JAKMIP2: variants seen among roughly 807,000 people sequenced by gnomAD.
The protein encoded by JAKMIP2 is janus kinase and microtubule-interacting protein 2.
A neutral mutation model predicts 115.0 loss-of-function variants in JAKMIP2; 25 were observed. The observed-to-expected ratio is 0.22, with a 90% CI of 0.16 to 0.30. The LOEUF (loss-of-function observed/expected upper bound fraction) is 0.30. JAKMIP2 is among the 10% of genes least tolerant of loss of function. The pLI is 1.00. For missense variants in JAKMIP2, 642 were observed against 957.6 expected, an observed-to-expected ratio of 0.67 and a Z score of 4.35; for synonymous variants, 334 against 343.6, an observed-to-expected ratio of 0.97 and a Z score of 0.31.
chr5:147,734,419 A>G (rs192899732), intron 1 of JAKMIP2, among the ~76,000 whole-genome samples: 4,232 of 148,518 alleles, frequency 0.028, 88 homozygotes, highest in Non-Finnish European at 0.043. Context: ...ACCAAACACC[A>G]CATGTTCTCA....
At chr5:147,659,880 T>G (rs1758872452) in intron 3 of JAKMIP2, among the ~76,000 whole-genome samples, 1 of 152,104 alleles carries the variant, frequency 6.6e-6, no homozygotes, top group African/African-American at 2.4e-5. Flanking sequence ...AAAATAAACA[T>G]TAACTTTTAA....
At chr5:147,782,084 A>T (rs531480318) in intron 1 of JAKMIP2, among the ~76,000 whole-genome samples, 13 of 152,320 alleles carry the variant, frequency 8.5e-5, no homozygotes, top group South Asian at 8.3e-4. Context: ...AGAAGGCCCA[A>T]CCCTGTATGT....
chr5:147,721,571 G>C (rs907770386), intron 1 of JAKMIP2, among the ~76,000 whole-genome samples: 10 of 152,088 alleles, frequency 6.6e-5, no homozygotes, highest in African/African-American at 2.2e-4. Context: ...TTTTAAGCCC[G>C]TCGGAAAAGC....
Position 147,702,583 on chromosome 5 carries a change from AGAAAGAAAGAAAGAAAGAAG to A in JAKMIP2, c.-148-30649_-148-30630del, listed in dbSNP as rs1561547257. Among the ~76,000 whole-genome samples, 14 of 120,178 alleles carry A rather than the reference AGAAAGAAAGAAAGAAAGAAG, an allele frequency of 1.2e-4. No homozygotes were observed. In the East Asian group the frequency reaches 1.6e-3, roughly 14 times the overall value. 78.8% of individuals were successfully genotyped at this position (120,178 alleles called of 152,430 possible). On this transcript the variant is annotated intron_variant, in intron 1 of 21. Coordinates refer to ENST00000616793, the MANE Select transcript of JAKMIP2 (RefSeq NM_001270941.2). ...AAGAAAGAAAGAAAGAAAGAAGGAA[AGAAAGAAAGAAAGAAAGAAG>A]GAAAGAAAGAAAGAAAGAAAGAAAG... is the stretch of plus-strand genomic sequence containing the variant.
chr5:147,654,226 G>GT (rs148458804), intron 3 of JAKMIP2, among the ~76,000 whole-genome samples: 38,112 of 147,512 alleles, frequency 0.26, 5,955 homozygotes, highest in East Asian at 0.46. Flanking sequence ...ATTTAAAGTA[G>GT]TTTTTTTTTT....
chr5:147,639,863 G>A, intron 9 of JAKMIP2, 103 bp from the exon 10 acceptor site: 2 of 1,368,232 alleles, frequency 1.5e-6, no homozygotes, highest in Non-Finnish European at 2.0e-6. Context: ...GAAGTAAAAG[G>A]TTGTTTAACA....
chr5:147,600,087 GTTTTTTTTT>G (rs369043130), intron 21 of JAKMIP2, among the ~76,000 whole-genome samples: 1 of 67,940 alleles, frequency 1.5e-5, no homozygotes, highest in Non-Finnish European at 2.8e-5. Context: ...TTTATTTACT[GTTTTTTTTT>G]TTTTTTTTTT....
At chr5:147,751,149 A>G (rs1754537141) in intron 1 of JAKMIP2, among the ~76,000 whole-genome samples, 1 of 151,140 alleles carries the variant, frequency 6.6e-6, no homozygotes, top group African/African-American at 2.4e-5. Flanking sequence ...TCCACTCACT[A>G]CAAGCTCCGC....
At chr5:147,613,025 T>G in intron 19 of JAKMIP2, among the ~76,000 whole-genome samples, 1 of 152,240 alleles carries the variant, frequency 6.6e-6, no homozygotes, top group Middle Eastern at 3.4e-3. Context: ...AACTGGTAAA[T>G]TAGGAAAACA....
At chr5:147,624,876 T>C (rs1757022400) in intron 16 of JAKMIP2, among the ~76,000 whole-genome samples, 1 of 152,194 alleles carries the variant, frequency 6.6e-6, no homozygotes, top group East Asian at 1.9e-4. Context: ...CAAATGGGAT[T>C]AACAATAAGT....
chr5:147,704,871 T>C (rs1407611408), intron 1 of JAKMIP2, among the ~76,000 whole-genome samples: 1 of 152,124 alleles, frequency 6.6e-6, no homozygotes, highest in African/African-American at 2.4e-5. Flanking sequence ...TGAAGGTAGG[T>C]AGTCATAGGC....
intron 2 of JAKMIP2, among the ~76,000 whole-genome samples, chr5:147,666,563 A>C (rs1038519421): frequency 1.3e-5 from 2 of 152,212 alleles, no homozygotes; most frequent in Non-Finnish European, 2.9e-5. Context: ...ATGATGTAGG[A>C]AGTCTTTGTT....
intron 13 of JAKMIP2, among the ~76,000 whole-genome samples, chr5:147,632,475 A>C (rs2126689190): frequency 6.6e-6 from 1 of 152,308 alleles, no homozygotes; most frequent in East Asian, 1.9e-4. Context: ...TTTGAGTTGC[A>C]TCAGAGCTTT....
chr5:147,609,011 T>TTC (rs748008927), intron 20 of JAKMIP2, among the ~76,000 whole-genome samples: 8 of 151,670 alleles, frequency 5.3e-5, no homozygotes, highest in Non-Finnish European at 1.0e-4. Flanking sequence ...GCTTTTTTTT[T>TTC]GCTTTCCATT....
At chr5:147,682,050 A>AAAAAG (rs71001451) in intron 1 of JAKMIP2, among the ~76,000 whole-genome samples, 23,418 of 148,834 alleles carry the variant, frequency 0.16, 2,452 homozygotes, top group East Asian at 0.44. Flanking sequence ...AAAAAAAAAA[A>AAAAAG]AAAGAAAGAA....
intron 1 of JAKMIP2, among the ~76,000 whole-genome samples, chr5:147,778,974 TCA>T (rs1363820886): frequency 6.6e-6 from 1 of 152,114 alleles, no homozygotes; most frequent in Non-Finnish European, 1.5e-5. Context: ...GCAACACACT[TCA>T]CAGAGTAACA....
At chr5:147,616,325 A>G (rs1756580935) in intron 19 of JAKMIP2, among the ~76,000 whole-genome samples, 1 of 152,206 alleles carries the variant, frequency 6.6e-6, no homozygotes, top group Non-Finnish European at 1.5e-5. Context: ...ATTCTAATGA[A>G]CATTTGTTTA....
chr5:147,605,783 A>C (rs1755977075), intron 20 of JAKMIP2, among the ~76,000 whole-genome samples: 1 of 152,150 alleles, frequency 6.6e-6, no homozygotes, highest in African/African-American at 2.4e-5. Context: ...TGGTTGAACT[A>C]ATTTACACTC....
chr5:147,741,049 G>C (rs1313781034), intron 1 of JAKMIP2, among the ~76,000 whole-genome samples: 3 of 152,144 alleles, frequency 2.0e-5, no homozygotes, highest in Non-Finnish European at 2.9e-5. Flanking sequence ...GATCAGTACA[G>C]AGATCATCCC....
Sources: allele counts gnomAD v4.1 joint callset (sites outside exome capture counted in the v4.1 genomes callset), GRCh38; gene constraint gnomAD v4.1.1; transcripts MANE v1.5; gene names NCBI Gene and HGNC (gene_info 2026-07-23, HGNC 2026-07-21).